ZNF385D: variants seen among roughly 807,000 people sequenced by gnomAD.
ZNF385D encodes the protein zinc finger protein 659.
ZNF385D carries 15 observed loss-of-function variants against 35.8 expected under a neutral mutation model. The ratio of observed to expected loss-of-function variants is 0.42; its 90% CI spans 0.28 to 0.64. The LOEUF (loss-of-function observed/expected upper bound fraction) is 0.64, where lower values mean the gene tolerates loss of function less well. Ranked by LOEUF, ZNF385D falls within the 30% of genes least tolerant of loss-of-function variation. The pLI is 0.23. For synonymous variants in ZNF385D, 212 were observed against 186.8 expected, an observed-to-expected ratio of 1.13 and a Z score of -1.10; for missense variants, 474 against 494.6, an observed-to-expected ratio of 0.96 and a Z score of 0.39.
chr3:21,877,495 T>C (rs532951188), intron 3 of ZNF385D, among the ~76,000 whole-genome samples: 22 of 152,212 alleles, frequency 1.4e-4, no homozygotes, highest in Non-Finnish European at 2.5e-4. Context: ...TAAAGTTAAT[T>C]AATTTAACCT....
upstream of ZNF385D, among the ~76,000 whole-genome samples, chr3:21,753,174 T>C (rs1054101882): frequency 6.6e-6 from 1 of 152,238 alleles, no homozygotes; most frequent in African/African-American, 2.4e-5. Flanking sequence ...GAAAGGTGGA[T>C]ATTACAGATG....
chr3:21,681,727 TA>T (rs1407081513), intron 1 of ZNF385D, among the ~76,000 whole-genome samples: 1 of 115,630 alleles, frequency 8.6e-6, no homozygotes, highest in Admixed American at 8.2e-5. Flanking sequence ...AAAAAGGAAA[TA>T]AAACAATCAA....
intron 3 of ZNF385D, among the ~76,000 whole-genome samples, chr3:21,982,790 T>G (rs555772966): frequency 6.8e-6 from 1 of 148,134 alleles, no homozygotes; most frequent in East Asian, 1.9e-4. Context: ...GTTGTTAACA[T>G]GAAGGGCTGT....
intron 3 of ZNF385D, among the ~76,000 whole-genome samples, chr3:22,153,123 C>T (rs951868912): frequency 2.6e-5 from 4 of 152,190 alleles, no homozygotes; most frequent in Admixed American, 2.6e-4. Context: ...ATTGGGCTCC[C>T]TTCCTGACCT....
In ZNF385D at chr3:22,179,514, C is replaced by G. The variant is rs1269563929; in HGVS notation, c.107-10479G>C. On this transcript the variant is annotated intron_variant, in intron 2 of 5. Coordinates refer to the ZNF385D transcript ENST00000494108. ...GAGACGACGGGGTTTTCTAGATATA[C>G]AATCATGTCATCTGCAAACAGGGAC... Among the ~76,000 whole-genome samples the G allele has an allele frequency of 3.3e-5, 5 of 152,358 alleles. No individual in the cohort carries two copies. The East Asian group carries it at 9.6e-4, about 29-fold the overall frequency.
At chr3:21,471,560 G>T (rs1703902698) in intron 4 of ZNF385D, among the ~76,000 whole-genome samples, 1 of 152,062 alleles carries the variant, frequency 6.6e-6, no homozygotes, top group Non-Finnish European at 1.5e-5. Flanking sequence ...GGTGGAAACA[G>T]TTCTGTTAAT....
At chr3:21,794,083 T>C (rs373685245) in intron 3 of ZNF385D, among the ~76,000 whole-genome samples, 1 of 152,172 alleles carries the variant, frequency 6.6e-6, no homozygotes, top group Admixed American at 6.5e-5. Context: ...AAAAAACTAC[T>C]GCTGACAGTG....
chr3:21,762,159 G>C (rs1028371580), intron 3 of ZNF385D, among the ~76,000 whole-genome samples: 1 of 152,056 alleles, frequency 6.6e-6, no homozygotes, highest in East Asian at 1.9e-4. Context: ...TTACAGGCGT[G>C]AGTCGCTGTG....
intron 2 of ZNF385D, among the ~76,000 whole-genome samples, chr3:22,271,658 C>A (rs1219892964): frequency 2.0e-5 from 3 of 151,794 alleles, no homozygotes; most frequent in African/African-American, 7.2e-5. Flanking sequence ...TGTGCACTTG[C>A]TGTTCTTTAA....
chr3:22,220,427 T>G (rs1397744657), intron 2 of ZNF385D, among the ~76,000 whole-genome samples: 1 of 103,490 alleles, frequency 9.7e-6, no homozygotes, highest in African/African-American at 3.8e-5. Flanking sequence ...ATAGCAACAA[T>G]TACAAAGTAA....
rs200563613 is a variant in ZNF385D at position 22,194,828 on chromosome 3, TG to T, written c.107-25794del. On this transcript the variant is annotated intron_variant, in intron 2 of 5. Transcript: ENST00000494108. ...TTCCAAATTATGTGTATTAATAGGT[TG>T]TTCTTTTTGTTACTGAGAATTTCTC... 5.3e-5 allele frequency among the ~76,000 whole-genome samples: 8 copies of T among 152,036 alleles called. No individual in the cohort carries two copies. In the East Asian group the frequency reaches 1.5e-3, roughly 29 times the overall value.
In ZNF385D at chr3:22,193,627, T is replaced by C. The variant is rs374161554; in HGVS notation, c.107-24592A>G. ...AATCTATTTGACCACTGAACTCTTT[T>C]ATCATAAAGCTTCTGGATTAGTGTT... On this transcript the variant is annotated intron_variant, in intron 2 of 5. Coordinates refer to the ZNF385D transcript ENST00000494108. Among the ~76,000 whole-genome samples the C allele has an allele frequency of 2.6e-5, 4 of 152,148 alleles. No homozygotes were observed. In the East Asian group the frequency reaches 7.7e-4, roughly 29 times the overall value.
At chr3:22,219,352 A>G (rs546124226) in intron 2 of ZNF385D, among the ~76,000 whole-genome samples, 1 of 152,118 alleles carries the variant, frequency 6.6e-6, no homozygotes, top group Non-Finnish European at 1.5e-5. Flanking sequence ...TCAGGAGGAT[A>G]TCATAGCTAA....
intron 1 of ZNF385D, among the ~76,000 whole-genome samples, chr3:21,691,517 C>A (rs992674618): frequency 2.0e-5 from 3 of 152,024 alleles, no homozygotes; most frequent in Non-Finnish European, 2.9e-5. Flanking sequence ...TTGTGCCCAA[C>A]CTTTTCTCCT....
At chr3:22,030,290 T>TCCTATACAAATAACAAATAGG (rs1559316638) in intron 3 of ZNF385D, among the ~76,000 whole-genome samples, 23 of 102,768 alleles carry the variant, frequency 2.2e-4, no homozygotes, top group African/African-American at 7.3e-4. Context: ...TATATATATA[T>TCCTATACAAATAACAAATAGG]ATATATATAT....
chr3:22,325,702 G>C (rs889619165), intron 2 of ZNF385D, among the ~76,000 whole-genome samples: 3 of 152,110 alleles, frequency 2.0e-5, no homozygotes, highest in Non-Finnish European at 4.4e-5. Flanking sequence ...ATGCCACAGT[G>C]AGCCAAGATC....
intron 3 of ZNF385D, among the ~76,000 whole-genome samples, chr3:22,167,709 G>A (rs1706428192): frequency 6.6e-6 from 1 of 152,174 alleles, no homozygotes; most frequent in African/African-American, 2.4e-5. Flanking sequence ...TGGCAAAAGT[G>A]ATCAAGAAAT....
chr3:22,032,772 C>T (rs1420924743), intron 3 of ZNF385D, among the ~76,000 whole-genome samples: 1 of 152,098 alleles, frequency 6.6e-6, no homozygotes, highest in African/African-American at 2.4e-5. Context: ...AATACTAATG[C>T]TTACTGAGTA....
chr3:21,826,371 T>C (rs1158780108), intron 3 of ZNF385D, among the ~76,000 whole-genome samples: 1 of 152,174 alleles, frequency 6.6e-6, no homozygotes, highest in Non-Finnish European at 1.5e-5. Flanking sequence ...ACAGTGGCCC[T>C]GTTCAGTGCT....
Sources: gnomAD v4.1 joint callset for allele counts (sites outside exome capture counted in the v4.1 genomes callset) on GRCh38, gnomAD v4.1.1 for gene constraint, MANE v1.5 for transcripts, NCBI Gene and HGNC (gene_info 2026-07-23, HGNC 2026-07-21) for gene names.